The following FILIP1 variants were observed in gnomAD, a reference collection of about 807,000 sequenced individuals.
FILIP1 encodes the protein filamin A interacting protein 1.
Under a neutral mutation model 102.1 loss-of-function variants are expected in FILIP1, and 61 were observed. The observed-to-expected ratio is 0.60, with a 90% CI of 0.49 to 0.74. The LOEUF is 0.74. FILIP1 is among the 30% of genes least tolerant of loss of function. The pLI, the probability that FILIP1 is intolerant of heterozygous loss-of-function variation, is 0.00. For synonymous variants in FILIP1, 491 were observed against 526.9 expected (o/e 0.93, Z 0.93); for missense variants, 1,314 against 1,441.2 (o/e 0.91, Z 1.43).
chr6:75,423,174 C>A (rs533077020), intron 1 of FILIP1, among the ~76,000 whole-genome samples: 3 of 152,110 alleles, frequency 2.0e-5, no homozygotes, highest in Non-Finnish European at 4.4e-5. Context: ...AAGAACTCAA[C>A]GTCTACCATT....
chr6:75,306,948 G>A (rs139356636), downstream of FILIP1, among the ~76,000 whole-genome samples: 2,240 of 152,006 alleles, frequency 0.015, 42 homozygotes, highest in African/African-American at 0.051. Context: ...GATTATAGGC[G>A]CCCACCCCCA....
Position 75,313,082 on chromosome 6 carries a change from T to C in FILIP1, c.2750A>G (p.Asp917Gly). ...GQPLHIRVTPDHENSTATLEI... is the reference protein window; with the variant it reads ...GQPLHIRVTPGHENSTATLEI... ...CAAAGTCGCAGTGCTGTTCTCGTGG[T>C]CTGGTGTCACTCGAATATGCAGGGG... Residue 917 changes from aspartate to glycine, a missense_variant, in exon 5 of 6, where the codon GAC becomes GGC. By Grantham distance (94) the Asp-to-Gly change is moderately conservative (BLOSUM62 -1). Coordinates refer to ENST00000237172, the MANE Select transcript of FILIP1 (RefSeq NM_015687.5). This position sits in a 1 kb window ranked among gnomAD's most constrained non-coding sequence, Gnocchi z 4.2. 1.2e-6 allele frequency: 2 copies of C among 1,614,188 alleles called. No individual in the cohort carries two copies. Among genetic ancestry groups the C allele is most frequent in the Non-Finnish European group, 1.7e-6 (2 of 1,180,034 alleles).
At chr6:75,430,921 T>A (rs1777802625) in intron 1 of FILIP1, among the ~76,000 whole-genome samples, 1 of 152,168 alleles carries the variant, frequency 6.6e-6, no homozygotes, top group South Asian at 2.1e-4. Context: ...AGCTGTCTTG[T>A]GGTTTGATGT....
chr6:75,328,342 C>A (rs1335760164), intron 4 of FILIP1, among the ~76,000 whole-genome samples: 5 of 151,978 alleles, frequency 3.3e-5, no homozygotes, highest in Non-Finnish European at 7.4e-5. Context: ...AAATTTATAT[C>A]AAAATAATTC....
At chr6:75,406,729 G>A (rs1374916908) in intron 2 of FILIP1, among the ~76,000 whole-genome samples, 1 of 147,100 alleles carries the variant, frequency 6.8e-6, no homozygotes. Flanking sequence ...GCGCAACCTC[G>A]GCTCACTGCA....
At chr6:75,358,280 A>T (rs1218491254) in intron 3 of FILIP1, 1 of 152,232 alleles carries the variant, frequency 6.6e-6, no homozygotes, top group African/African-American at 2.4e-5. Flanking sequence ...GTCTACTTAA[A>T]AGCAAATATG....
At chr6:75,346,428 C>T (rs1267456779) in intron 4 of FILIP1, among the ~76,000 whole-genome samples, 2 of 152,130 alleles carry the variant, frequency 1.3e-5, no homozygotes, top group African/African-American at 4.8e-5. Context: ...AAAAAGCTCA[C>T]ATCCATCCAA....
chr6:75,430,506 AATATT>A (rs1777788430), intron 1 of FILIP1, among the ~76,000 whole-genome samples: 1 of 152,146 alleles, frequency 6.6e-6, no homozygotes, highest in Non-Finnish European at 1.5e-5. Context: ...AATTATAACA[AATATT>A]ATATGTATAT....
intron 1 of FILIP1, among the ~76,000 whole-genome samples, chr6:75,417,734 T>C (rs1202177344): frequency 6.6e-6 from 1 of 152,212 alleles, no homozygotes; most frequent in African/African-American, 2.4e-5. Flanking sequence ...AAATTAAATA[T>C]CTTTTCCTGT....
rs148284986 is a variant in FILIP1 at position 75,348,062 on chromosome 6, T to TACACACACACACACACACAC, written c.629+5457_629+5476dup. ...AGACAGCACTCCTCCACATCAGTTA[T>TACACACACACACACACACAC]ACACACACACACACACACACACACA... On this transcript the variant is annotated intron_variant, in intron 4 of 5. Coordinates refer to ENST00000237172, the MANE Select transcript of FILIP1 (RefSeq NM_015687.5). Among the ~76,000 whole-genome samples, 34 of 147,374 alleles carry TACACACACACACACACACAC rather than the reference T, an allele frequency of 2.3e-4. 1 individual carries two copies. Among genetic ancestry groups the TACACACACACACACACACAC allele is most frequent in the African/African-American group, 5.8e-4 (23 of 39,892 alleles).
rs149447209 is a variant in FILIP1 at position 75,314,786 on chromosome 6, T to C, written c.1046A>G (p.Asn349Ser). 3.7e-6 allele frequency: 6 copies of C among 1,613,954 alleles called. No homozygotes were observed. The African/African-American group carries it at 8.0e-5, about 22-fold the overall frequency. Residue 349 changes from asparagine to serine, a missense_variant, in exon 5 of 6, where the codon AAC becomes AGC. Transcript: ENST00000237172. The part of the protein sequence containing the change: ...TQRIEELEET[N>S]KNLQKAEEEL... ...TTCCTCTGCCTTCTGCAGATTTTTG[T>C]TGGTCTCTTCTAGCTCCTCGATTCT...
chr6:75,427,240 G>C (rs1777657463), intron 1 of FILIP1, among the ~76,000 whole-genome samples: 1 of 152,118 alleles, frequency 6.6e-6, no homozygotes. Context: ...AGGATTACAA[G>C]GAAGGAGTAT....
At chr6:75,322,563 T>C (rs927416762) in intron 4 of FILIP1, among the ~76,000 whole-genome samples, 44 of 152,236 alleles carry the variant, frequency 2.9e-4, no homozygotes, top group African/African-American at 1.1e-3. Context: ...AAATTTTAAA[T>C]TTTCTGCAAG....
intron 1 of FILIP1, among the ~76,000 whole-genome samples, chr6:75,426,822 C>G (rs190640018): frequency 1.3e-3 from 199 of 152,258 alleles, no homozygotes; most frequent in South Asian, 1.7e-3. Flanking sequence ...TACAGTTACA[C>G]AGGGCCCTGC....
chr6:75,440,337 T>C (rs979838171), intron 1 of FILIP1, among the ~76,000 whole-genome samples: 3 of 152,252 alleles, frequency 2.0e-5, no homozygotes, highest in Admixed American at 2.0e-4. Context: ...GGATTCCATC[T>C]GCTTTCTCCA....
At chr6:75,413,447 C>T (rs1777143308) in intron 2 of FILIP1, among the ~76,000 whole-genome samples, 1 of 152,094 alleles carries the variant, frequency 6.6e-6, no homozygotes, top group Admixed American at 6.6e-5. Context: ...TGTGATTTTT[C>T]TCAGTCTGTA....
intron 2 of FILIP1, among the ~76,000 whole-genome samples, chr6:75,391,911 G>A (rs567711189): frequency 6.6e-6 from 1 of 152,168 alleles, no homozygotes; most frequent in East Asian, 1.9e-4. Context: ...ACTCCAACCA[G>A]GCTTCTGCTT....
intron 2 of FILIP1, among the ~76,000 whole-genome samples, chr6:75,387,325 A>G (rs772591080): frequency 6.6e-6 from 1 of 151,976 alleles, no homozygotes; most frequent in Non-Finnish European, 1.5e-5. Flanking sequence ...ATTTTTTGCT[A>G]TTGTGAATAG....
intron 1 of FILIP1, among the ~76,000 whole-genome samples, chr6:75,433,341 G>C (rs890602502): frequency 3.9e-5 from 6 of 152,124 alleles, no homozygotes; most frequent in Non-Finnish European, 5.9e-5. Context: ...AGCAACTGTT[G>C]TTTCCTGACT....
Sources: allele counts gnomAD v4.1 joint callset (sites outside exome capture counted in the v4.1 genomes callset), GRCh38; gene constraint gnomAD v4.1.1; non-coding constraint Gnocchi (gnomAD v3.1); transcripts MANE v1.5; gene names NCBI Gene and HGNC (gene_info 2026-07-23, HGNC 2026-07-21).